The following PCDH19 variants were observed in gnomAD, a reference collection of about 807,000 sequenced individuals.
The protein encoded by PCDH19 is protocadherin-19.
PCDH19 carries 6 observed loss-of-function variants against 46.2 expected under a neutral mutation model. That is an observed-to-expected ratio of 0.13 (90% CI 0.07 to 0.26). PCDH19 has a LOEUF of 0.26. PCDH19 is among the 10% of genes least tolerant of loss of function. PCDH19 has a pLI of 1.00. For synonymous variants in PCDH19, 481 were observed against 415.7 expected, an observed-to-expected ratio of 1.16 and a Z score of -1.91; for missense variants, 740 against 972.3, an observed-to-expected ratio of 0.76 and a Z score of 3.18.
chrX:100,321,820 C>T (rs1301173522), intron 5 of PCDH19, among the ~76,000 whole-genome samples: 4 of 88,766 alleles, frequency 4.5e-5, no homozygotes, highest in Admixed American at 1.3e-4. Context: ...GACAGAGTCT[C>T]GCTCTGTCGC....
intron 5 of PCDH19, among the ~76,000 whole-genome samples, chrX:100,338,128 G>C (rs1218884547): frequency 1.8e-5 from 2 of 110,174 alleles, no homozygotes; most frequent in Non-Finnish European, 3.8e-5. Context: ...ATCACTTTAG[G>C]TCAGGAGTTC....
intron 5 of PCDH19, among the ~76,000 whole-genome samples, chrX:100,338,299 G>A (rs1189714533): frequency 7.7e-5 from 7 of 91,277 alleles, no homozygotes; most frequent in African/African-American, 2.1e-4. Flanking sequence ...CCGAGATCCC[G>A]CCACTGCACT....
At chrX:100,343,510 T>C (rs1460763873) in intron 4 of PCDH19, among the ~76,000 whole-genome samples, 1 of 111,914 alleles carries the variant, frequency 8.9e-6, no homozygotes, top group African/African-American at 3.3e-5. Flanking sequence ...CAATCTACCA[T>C]ACAATGCACT....
At chrX:100,365,216 C>T (rs1163957450) in intron 3 of PCDH19, among the ~76,000 whole-genome samples, 1 of 111,431 alleles carries the variant, frequency 9.0e-6, no homozygotes. Flanking sequence ...ACTCCTTTCC[C>T]CTTTTAACAG....
chrX:100,393,507 CACACA>C (rs1927925794), intron 3 of PCDH19, among the ~76,000 whole-genome samples: 1 of 93,455 alleles, frequency 1.1e-5, no homozygotes, highest in Admixed American at 1.1e-4. Context: ...TACACACACA[CACACA>C]CACACACACA....
Position 100,408,388 on chromosome X carries a change from G to A in PCDH19, c.210C>T (p.His70=). The change falls in exon 1 of 6, where the codon CAC becomes CAT. Residue 70 remains histidine, a synonymous_variant. Coordinates refer to ENST00000373034, the MANE Select transcript of PCDH19 (RefSeq NM_001184880.2). ...AFRVVSNSAP[H]LVDINPSSGL... is the part of the protein sequence containing the mutation. The stretch of plus-strand genomic sequence containing the variant: ...CAGAGCTGGGATTGATGTCCACTAG[G>A]TGTGGAGCCGAGTTGGACACCACGC... 2.5e-6 allele frequency: 3 copies of A among 1,208,635 alleles called. No individual in the cohort carries two copies. The highest frequency in any genetic ancestry group is 3.4e-6 in the Non-Finnish European group (3 of 894,501).
At chrX:100,383,259 G>A (rs1927610982) in intron 3 of PCDH19, among the ~76,000 whole-genome samples, 1 of 112,352 alleles carries the variant, frequency 8.9e-6, no homozygotes, top group Non-Finnish European at 1.9e-5. Flanking sequence ...TTACAGATAA[G>A]AAAGCTGAGG....
At chrX:100,331,526 A>T (rs1338308352) in intron 5 of PCDH19, among the ~76,000 whole-genome samples, 1 of 111,691 alleles carries the variant, frequency 9.0e-6, no homozygotes, top group Non-Finnish European at 1.9e-5. Context: ...ACCTTTTCTA[A>T]TTTGGTGCTT....
intron 5 of PCDH19, among the ~76,000 whole-genome samples, chrX:100,331,180 C>T (rs1925859453): frequency 1.8e-5 from 2 of 112,064 alleles, no homozygotes; most frequent in South Asian, 7.5e-4. Context: ...CCTACAGCAC[C>T]CTTCTGACAT....
intron 5 of PCDH19, among the ~76,000 whole-genome samples, chrX:100,303,135 C>T (rs1166139293): frequency 9.0e-6 from 1 of 110,963 alleles, no homozygotes; most frequent in Non-Finnish European, 1.9e-5. Flanking sequence ...TCTAACATCC[C>T]GTTGAAAATA....
chrX:100,344,008 AT>A (rs1010644840), intron 4 of PCDH19, among the ~76,000 whole-genome samples: 1 of 112,050 alleles, frequency 8.9e-6, no homozygotes, highest in Non-Finnish European at 1.9e-5. Context: ...TTTTTAACAT[AT>A]GACCAACCTA....
chrX:100,342,192 A>AG, intron 4 of PCDH19, 117 bp from the exon 5 acceptor site: 1 of 627,117 alleles, frequency 1.6e-6, no homozygotes. Flanking sequence ...ACTGTCCAAT[A>AG]GGGTAGGAAT....
intron 3 of PCDH19, among the ~76,000 whole-genome samples, chrX:100,377,932 G>GA (rs1927435969): frequency 8.9e-6 from 1 of 112,159 alleles, no homozygotes; most frequent in African/African-American, 3.2e-5. Context: ...TGGTGAAGAG[G>GA]GAATAAGCGT....
At position 100,294,383 on chromosome X, in the gene PCDH19, A is replaced by G. The variant is rs975049957; in HGVS notation, c.*1894T>C. ...ATAAGGATGGATTTGTAGCTTCATT[A>G]TAAGTTCTTTTTCAGAAATGTTCTC... On this transcript the variant is annotated 3_prime_UTR_variant, in exon 6 of 6. Coordinates refer to ENST00000373034, the MANE Select transcript of PCDH19 (RefSeq NM_001184880.2). 1 of 111,550 alleles carries G rather than the reference A, an allele frequency of 9.0e-6. No homozygotes were observed. Among genetic ancestry groups the G allele is most frequent in the East Asian group, 2.8e-4 (1 of 3,528 alleles). The allele number at this position is 111,550 out of a possible 1,213,427, so 9.2% of individuals were successfully genotyped here.
intron 3 of PCDH19, among the ~76,000 whole-genome samples, chrX:100,401,102 T>C (rs1928166425): frequency 1.8e-5 from 2 of 111,842 alleles, no homozygotes; most frequent in African/African-American, 6.5e-5. Context: ...GAAGGTGCTT[T>C]GAAAGATGTG....
At chrX:100,296,997 C>A in intron 5 of PCDH19, 122 bp from the exon 6 acceptor site, 1 of 601,849 alleles carries the variant, frequency 1.7e-6, no homozygotes. Context: ...TTTAGGTAGT[C>A]CTTTATTGCC....
At chrX:100,402,498 T>A in intron 3 of PCDH19, 26 bp downstream of exon 3, 5 of 1,180,440 alleles carry the variant, frequency 4.2e-6, no homozygotes, top group Non-Finnish European at 5.8e-6. Context: ...TGGGAGAACC[T>A]CACAGAGCCA....
rs1926159858 is a variant in PCDH19, at chrX:100,338,393, G to A, written c.2848+3510C>T. Among the ~76,000 whole-genome samples the A allele has an allele frequency of 2.9e-5, 3 of 103,000 alleles. No individual in the cohort carries two copies. In the Admixed American group the frequency reaches 3.2e-4, roughly 11 times the overall value. 89.4% of individuals were successfully genotyped at this position (103,000 alleles called of 115,157 possible). ...AAAAATTAGCCAGGAGTGGTAGTGCGCATCTGTAGTCCCAGCTACTTGGGA... is the reference window on the plus strand; with the variant it reads ...AAAAATTAGCCAGGAGTGGTAGTGCACATCTGTAGTCCCAGCTACTTGGGA... On this transcript the variant is annotated intron_variant, in intron 5 of 5. Coordinates refer to ENST00000373034, the MANE Select transcript of PCDH19 (RefSeq NM_001184880.2).
intron 3 of PCDH19, among the ~76,000 whole-genome samples, chrX:100,378,006 A>G (rs180899570): frequency 5.3e-5 from 6 of 112,730 alleles, no homozygotes; most frequent in African/African-American, 1.9e-4. Flanking sequence ...ACCAAGCTGG[A>G]TAAATATTCA....
Sources: gnomAD v4.1 joint callset for allele counts (sites outside exome capture counted in the v4.1 genomes callset) on GRCh38, gnomAD v4.1.1 for gene constraint, MANE v1.5 for transcripts, NCBI Gene and HGNC (gene_info 2026-07-23, HGNC 2026-07-21) for gene names.